Variants in VAV2 observed in about 807,000 individuals in gnomAD.
The protein encoded by VAV2 is guanine nucleotide exchange factor VAV2.
VAV2 carries 67 observed loss-of-function variants against 132.5 expected under a neutral mutation model. The ratio of observed to expected loss-of-function variants is 0.51; its 90% confidence interval spans 0.42 to 0.62. VAV2 has a LOEUF of 0.62. Among genes scored for constraint, VAV2 ranks in the 20% least tolerant of loss-of-function variants. The pLI is 0.00. For synonymous variants in VAV2, 492 were observed against 443.5 expected, an observed-to-expected ratio of 1.11 and a Z score of -1.37; for missense variants, 938 against 1,153.6, an observed-to-expected ratio of 0.81 and a Z score of 2.71.
At chr9:133,913,013 G>T (rs1052965788) in intron 2 of VAV2, among the ~76,000 whole-genome samples, 7 of 152,204 alleles carry the variant, frequency 4.6e-5, no homozygotes, top group Admixed American at 1.3e-4. Flanking sequence ...GGCCCAGCCT[G>T]ACCCTGCACA....
chr9:133,881,841 C>T (rs7036356), intron 2 of VAV2, among the ~76,000 whole-genome samples: 5,364 of 152,298 alleles, frequency 0.035, 300 homozygotes, highest in African/African-American at 0.12. Flanking sequence ...TCAGTGGCCC[C>T]GGCTGGCATC....
chr9:133,862,301 G>A (rs1232693410), intron 2 of VAV2, among the ~76,000 whole-genome samples: 1 of 152,248 alleles, frequency 6.6e-6, no homozygotes, highest in Non-Finnish European at 1.5e-5. Context: ...ATGAATACGG[G>A]GAACCCGCGG....
intron 6 of VAV2, 99 bp from the exon 7 acceptor site, chr9:133,809,237 A>G (rs1835271418): frequency 9.3e-7 from 1 of 1,073,718 alleles, no homozygotes; most frequent in Non-Finnish European, 1.4e-6. Context: ...ACAAAAGAGG[A>G]CTCCTTGGGT....
rs186210668 is a variant in VAV2, at chr9:133,944,489, T to C, written c.205-5270A>G. Among the ~76,000 whole-genome samples the C allele has an allele frequency of 2.2e-3, 338 of 152,240 alleles. 1 individual carries two copies. Among genetic ancestry groups the C allele is most frequent in the African/African-American group, 7.7e-3 (319 of 41,550 alleles). ...CCCCTGGGCAATGGTGATGGAGTAA[T>C]AGCAGAGCCTGACAATGACCACAGG... On this transcript the variant is annotated intron_variant, in intron 1 of 29. Coordinates refer to ENST00000371850, the MANE Select transcript of VAV2 (RefSeq NM_001134398.2).
intron 3 of VAV2, among the ~76,000 whole-genome samples, chr9:133,854,175 AC>A (rs1250217413): frequency 1.3e-5 from 2 of 148,684 alleles, no homozygotes; most frequent in Non-Finnish European, 3.0e-5. Flanking sequence ...ATGCACACAC[AC>A]CCCATGTACC....
rs550754708 is a variant in VAV2 at position 133,838,095 on chromosome 9, G to A, written c.381-3755C>T. ...GCGCAGGAATATGCAGGAGAATAGA[G>A]GAGGCTTCACCAGGCCCCAGTCCCC... On this transcript the variant is annotated intron_variant, in intron 3 of 29. Transcript: ENST00000371850. Among the ~76,000 whole-genome samples, 6 of 152,186 alleles carry A rather than the reference G, an allele frequency of 3.9e-5. No individual in the cohort carries two copies. The East Asian group carries it at 5.9e-4, about 15-fold the overall frequency.
At position 133,823,860 on chromosome 9, in the gene VAV2, T is replaced by A. The variant is rs1312726699; in HGVS notation, c.449+10412A>T. ...ACCCCTGGAAGTCCCAGGCCATACCTGCTCACACACACACGGGAATGCGGA... is the reference window on the plus strand; with the variant it reads ...ACCCCTGGAAGTCCCAGGCCATACCAGCTCACACACACACGGGAATGCGGA... On this transcript the variant is annotated intron_variant, in intron 4 of 29. Coordinates refer to ENST00000371850, the MANE Select transcript of VAV2 (RefSeq NM_001134398.2). The surrounding 1 kb of genome is among the most constrained non-coding windows in gnomAD (Gnocchi z 5.5). Among the ~76,000 whole-genome samples, 2 of 152,184 alleles carry A rather than the reference T, an allele frequency of 1.3e-5. No homozygotes were observed. The highest frequency in any genetic ancestry group is 4.8e-5 in the African/African-American group (2 of 41,448).
chr9:133,861,539 A>T, intron 2 of VAV2, 107 bp from the exon 3 acceptor site: 1 of 1,232,024 alleles, frequency 8.1e-7, no homozygotes, highest in Non-Finnish European at 1.1e-6. Flanking sequence ...TTAACTGAGC[A>T]CATCGCATCT....
At chr9:133,913,479 T>C (rs1839953226) in intron 2 of VAV2, among the ~76,000 whole-genome samples, 1 of 152,116 alleles carries the variant, frequency 6.6e-6, no homozygotes, top group African/African-American at 2.4e-5. Context: ...GGGATGCCAA[T>C]CAGAATCTTC....
chr9:133,807,985 G>A (rs1835216534), intron 7 of VAV2, among the ~76,000 whole-genome samples: 1 of 152,244 alleles, frequency 6.6e-6, no homozygotes. Context: ...GGGCCCAGCT[G>A]CTGCACCGCT....
intron 1 of VAV2, among the ~76,000 whole-genome samples, chr9:133,990,121 G>C (rs1302940031): frequency 6.6e-6 from 1 of 152,184 alleles, no homozygotes; most frequent in African/African-American, 2.4e-5. Flanking sequence ...CTACCTGGGA[G>C]GGGACAGTGC....
chr9:133,766,112 C>T (rs1037927981), intron 29 of VAV2, among the ~76,000 whole-genome samples: 1 of 152,096 alleles, frequency 6.6e-6, no homozygotes, highest in African/African-American at 2.4e-5. Flanking sequence ...GGTGGAAATA[C>T]AATAATGCAG....
intron 12 of VAV2, among the ~76,000 whole-genome samples, chr9:133,793,401 T>C (rs1834578802): frequency 6.6e-6 from 1 of 151,336 alleles, no homozygotes; most frequent in Admixed American, 6.6e-5. Flanking sequence ...ACCTCACCAT[T>C]GGCTCCCCAC....
At chr9:133,865,711 T>A (rs1379931622) in intron 2 of VAV2, among the ~76,000 whole-genome samples, 1 of 152,234 alleles carries the variant, frequency 6.6e-6, no homozygotes, top group Non-Finnish European at 1.5e-5. Context: ...GCTGATTTGT[T>A]TCTTTTTGAG....
intron 2 of VAV2, among the ~76,000 whole-genome samples, chr9:133,892,703 G>A (rs1839027014): frequency 6.6e-6 from 1 of 152,130 alleles, no homozygotes; most frequent in Non-Finnish European, 1.5e-5. Flanking sequence ...GAGCTCAGGA[G>A]GGCAGGGCAG....
intron 3 of VAV2, chr9:133,861,145 C>A: frequency 2.1e-6 from 1 of 469,552 alleles, no homozygotes; most frequent in Non-Finnish European, 3.8e-6. Flanking sequence ...AGAGATTTTG[C>A]AGCCGTCAGT....
intron 2 of VAV2, among the ~76,000 whole-genome samples, chr9:133,933,952 G>GTGGATGGATGGA (rs1554812128): frequency 3.6e-4 from 47 of 130,180 alleles, no homozygotes; most frequent in African/African-American, 1.4e-3. Flanking sequence ...TGGATGGATG[G>GTGGATGGATGGA]TGGATGGATG....
In VAV2 at chr9:133,780,768, C is replaced by A. The variant is rs73662196; in HGVS notation, c.1724-58G>T. On this transcript the variant is annotated intron_variant, in intron 19 of 29. Coordinates refer to ENST00000371850, the MANE Select transcript of VAV2 (RefSeq NM_001134398.2). ...AGGCCACCGACGCCAAGGCCCCGTG[C>A]AGCTCTCACTCACACCGCCCCGAGC... is the stretch of plus-strand genomic sequence containing the variant. The A allele has an allele frequency of 6.5e-3, 8,164 of 1,257,674 alleles. 457 individuals are homozygous for A. The African/African-American group carries it at 0.11, about 18-fold the overall frequency. 77.9% of individuals were successfully genotyped at this position (1,257,674 alleles called of 1,614,324 possible). A position where few individuals can be genotyped will look rare whatever the true frequency, so the allele number is the denominator to read the frequency against.
At chr9:133,900,260 T>A (rs1448720460) in intron 2 of VAV2, among the ~76,000 whole-genome samples, 2 of 152,016 alleles carry the variant, frequency 1.3e-5, no homozygotes, top group Non-Finnish European at 2.9e-5. Flanking sequence ...TTTAGGAACA[T>A]TTCATGAAAA....
Sources: gnomAD v4.1 joint callset for allele counts (sites outside exome capture counted in the v4.1 genomes callset) on GRCh38, gnomAD v4.1.1 for gene constraint, Gnocchi (gnomAD v3.1) non-coding constraint, MANE v1.5 for transcripts, NCBI Gene and HGNC (gene_info 2026-07-23, HGNC 2026-07-21) for gene names.